Variants in CELF1 observed in about 807,000 individuals in gnomAD.
CELF1 encodes the protein CUGBP Elav-like family member 1, also known as 50 kDa nuclear polyadenylated RNA-binding protein.
A neutral mutation model predicts 61.8 loss-of-function variants in CELF1; 10 were observed. The ratio of observed to expected loss-of-function variants is 0.16; its 90% CI spans 0.10 to 0.27. The LOEUF (loss-of-function observed/expected upper bound fraction) is 0.27, where lower values mean the gene tolerates loss of function less well. Among genes scored for constraint, CELF1 ranks in the 10% least tolerant of loss-of-function variants. The pLI is 1.00. For synonymous variants in CELF1, 236 were observed against 225.1 expected (o/e 1.05, Z -0.43); for missense variants, 380 against 639.1 (o/e 0.59, Z 4.37).
intron 1 of CELF1, among the ~76,000 whole-genome samples, chr11:47,552,725 G>T (rs1037023195): frequency 2.0e-5 from 3 of 152,334 alleles, no homozygotes; most frequent in Non-Finnish European, 4.4e-5. Flanking sequence ...CGCGGGGAGA[G>T]GAAGCAAAGC....
intron 2 of CELF1, among the ~76,000 whole-genome samples, chr11:47,558,527 GTA>G (rs1203441347): frequency 9.5e-6 from 1 of 104,716 alleles, no homozygotes; most frequent in Non-Finnish European, 1.7e-5. Flanking sequence ...ATATGTATAT[GTA>G]TATATTTATA....
At chr11:47,536,682 C>A (rs1019540386) in intron 1 of CELF1, among the ~76,000 whole-genome samples, 4 of 152,108 alleles carry the variant, frequency 2.6e-5, no homozygotes, top group Non-Finnish European at 4.4e-5. Context: ...GTTACTTGAA[C>A]CTGGGAAGCG....
intron 13 of CELF1, among the ~76,000 whole-genome samples, chr11:47,475,046 A>G (rs1383802287): frequency 1.3e-5 from 2 of 152,364 alleles, no homozygotes; most frequent in African/African-American, 4.8e-5. Flanking sequence ...TAACAGAAAC[A>G]TTCTTGTCAA....
chr11:47,482,521 TAGAG>T (rs948369437), intron 9 of CELF1, 170 bp downstream of exon 9: 3 of 523,266 alleles, frequency 5.7e-6, no homozygotes, highest in Non-Finnish European at 1.0e-5. Flanking sequence ...TACATATATA[TAGAG>T]AGAGAAAGAG....
chr11:47,514,172 ACCTTGG>A (rs2095418102), intron 1 of CELF1, among the ~76,000 whole-genome samples: 1 of 152,006 alleles, frequency 6.6e-6, no homozygotes, highest in Non-Finnish European at 1.5e-5. Context: ...TGATGGGCTC[ACCTTGG>A]CCTCCCAAAG....
intron 3 of CELF1, among the ~76,000 whole-genome samples, chr11:47,489,932 C>CTTTTTT (rs530410346): frequency 3.4e-4 from 8 of 23,470 alleles, no homozygotes; most frequent in African/African-American, 1.1e-3. Context: ...AACATACCAT[C>CTTTTTT]TTGTTTTTTT....
upstream of CELF1, among the ~76,000 whole-genome samples, chr11:47,554,724 C>T (rs866691502): frequency 5.2e-4 from 78 of 151,204 alleles, no homozygotes; most frequent in African/African-American, 1.8e-3. Context: ...TGCAGTGGCG[C>T]GATCTCGGCT....
chr11:47,549,146 T>A (rs2097066206), intron 1 of CELF1, among the ~76,000 whole-genome samples: 1 of 152,144 alleles, frequency 6.6e-6, no homozygotes, highest in Non-Finnish European at 1.5e-5. Flanking sequence ...GGAACCCTTG[T>A]GTACTACTGG....
Position 47,508,502 on chromosome 11 carries a change from C to A in CELF1, c.-153-7570G>T, listed in dbSNP as rs577027077. On this transcript the variant is annotated intron_variant, in intron 1 of 14. Coordinates refer to ENST00000687097, the MANE Select transcript of CELF1 (RefSeq NM_001376376.1). Reference sequence around the variant, plus strand: ...GTATCTTAAGTCCTGGAGAACATAGCAGCCCTCAGGGGGCTAGGAACATTT... The same window carrying A: ...GTATCTTAAGTCCTGGAGAACATAGAAGCCCTCAGGGGGCTAGGAACATTT... 2.7e-5 allele frequency among the ~76,000 whole-genome samples: 4 copies of A among 149,380 alleles called. No homozygotes were observed. In the South Asian group the frequency reaches 6.4e-4, roughly 24 times the overall value.
chr11:47,535,590 A>C (rs2096606725), intron 1 of CELF1, among the ~76,000 whole-genome samples: 1 of 151,102 alleles, frequency 6.6e-6, no homozygotes, highest in African/African-American at 2.4e-5. Context: ...AGGCAGGAGA[A>C]TCGCTTGAAC....
At chr11:47,530,764 G>A (rs894851470) in intron 1 of CELF1, among the ~76,000 whole-genome samples, 1 of 152,098 alleles carries the variant, frequency 6.6e-6, no homozygotes, top group African/African-American at 2.4e-5. Flanking sequence ...AGACCAGCCT[G>A]GGCAACACAG....
At chr11:47,519,134 T>C (rs910514241) in intron 1 of CELF1, among the ~76,000 whole-genome samples, 7 of 152,206 alleles carry the variant, frequency 4.6e-5, no homozygotes, top group East Asian at 1.9e-4. Context: ...TCAGCAAAGC[T>C]TGATTCACCC....
intron 3 of CELF1, chr11:47,494,562 CT>C: frequency 1.2e-6 from 1 of 865,286 alleles, no homozygotes; most frequent in South Asian, 5.3e-5. Context: ...TCTCTTTCTC[CT>C]TTCTTTTCCC....
chr11:47,507,162 G>A (rs540831880), intron 1 of CELF1, among the ~76,000 whole-genome samples: 1 of 152,206 alleles, frequency 6.6e-6, no homozygotes, highest in Non-Finnish European at 1.5e-5. Flanking sequence ...GCCCTAAAAT[G>A]TCGTAACAAA....
Position 47,522,546 on chromosome 11 carries a change from C to A in CELF1, c.-153-21614G>T, listed in dbSNP as rs1288673910. 1.1e-4 allele frequency among the ~76,000 whole-genome samples: 15 copies of A among 142,854 alleles called. No individual in the cohort carries two copies. The East Asian group carries it at 2.8e-3, about 27-fold the overall frequency. 93.7% of individuals were successfully genotyped at this position (142,854 alleles called of 152,430 possible). A position where few individuals can be genotyped will look rare whatever the true frequency, so the allele number is the denominator to read the frequency against. ...AACAACAACAACAACAACAACAAAACGCCAGGCACAGTGGCTCAGGCCTGT... is the reference window on the plus strand; with the variant it reads ...AACAACAACAACAACAACAACAAAAAGCCAGGCACAGTGGCTCAGGCCTGT... On this transcript the variant is annotated intron_variant, in intron 1 of 14. Transcript: ENST00000687097.
At position 47,472,337 on chromosome 11, in the gene CELF1, G is replaced by T; in HGVS notation, c.1438C>A (p.Pro480Thr). 1 of 1,614,102 alleles carries T rather than the reference G, an allele frequency of 6.2e-7. No homozygotes were observed. The highest frequency in any genetic ancestry group is 2.2e-5 in the East Asian group (1 of 44,876). ...TGGATGGCAGCTTGGGCCGAAACAG[G>T]ATTGTCGTAACTTACAAAACCTGTG... ...KCFGFVSYDN[P>T]VSAQAAIQSM... Residue 480 changes from proline to threonine, a missense_variant, in exon 15 of 15, where the codon CCT (proline) becomes ACT (threonine). Coordinates refer to ENST00000687097, the MANE Select transcript of CELF1 (RefSeq NM_001376376.1).
chr11:47,532,070 G>A (rs953359437), intron 1 of CELF1, among the ~76,000 whole-genome samples: 6 of 150,096 alleles, frequency 4.0e-5, no homozygotes, highest in Admixed American at 1.3e-4. Flanking sequence ...TCGCTCTGTC[G>A]CCCAGGCTGG....
chr11:47,498,006 T>C (rs1281974121), intron 3 of CELF1, among the ~76,000 whole-genome samples: 5 of 152,256 alleles, frequency 3.3e-5, no homozygotes, highest in Non-Finnish European at 7.3e-5. Context: ...ATCCTTATTA[T>C]GTATTAAATC....
At chr11:47,543,255 G>A (rs2096854978) in intron 1 of CELF1, among the ~76,000 whole-genome samples, 3 of 152,060 alleles carry the variant, frequency 2.0e-5, no homozygotes, top group Non-Finnish European at 2.9e-5. Context: ...AATAAAATTA[G>A]CCAAGCGTGG....
Sources: gnomAD v4.1 joint callset for allele counts (sites outside exome capture counted in the v4.1 genomes callset) on GRCh38, gnomAD v4.1.1 for gene constraint, MANE v1.5 for transcripts, NCBI Gene and HGNC (gene_info 2026-07-23, HGNC 2026-07-21) for gene names.